ARPC1A: variants seen among roughly 807,000 people sequenced by gnomAD.
The protein encoded by ARPC1A is actin related protein 2/3 complex subunit 1A.
ARPC1A carries 8 observed loss-of-function variants against 46.9 expected under a neutral mutation model. That is an observed-to-expected ratio of 0.17 (90% CI 0.10 to 0.31). The LOEUF (loss-of-function observed/expected upper bound fraction) is 0.31. Among genes scored for constraint, ARPC1A ranks in the 10% least tolerant of loss-of-function variants. The probability of loss-of-function intolerance (pLI) is 1.00; values close to 1 mark genes in which losing one functional copy is unlikely to be tolerated. For synonymous variants in ARPC1A, 152 were observed against 169.0 expected (o/e 0.90, Z 0.78); for missense variants, 286 against 483.6 (o/e 0.59, Z 3.83).
chr7:99,332,936 G>A (rs965897556), intron 1 of ARPC1A, among the ~76,000 whole-genome samples: 2 of 137,378 alleles, frequency 1.5e-5, no homozygotes, highest in Non-Finnish European at 3.0e-5. Flanking sequence ...TCGCTCTGTC[G>A]CCCAGGCTGG....
intron 5 of ARPC1A, among the ~76,000 whole-genome samples, chr7:99,352,577 G>T (rs1793561413): frequency 6.7e-6 from 1 of 148,730 alleles, no homozygotes; most frequent in Non-Finnish European, 1.5e-5. Flanking sequence ...GATCACTTGA[G>T]CCCAGAAGTT....
chr7:99,353,603 G>A (rs1362968149), intron 5 of ARPC1A, among the ~76,000 whole-genome samples: 1 of 151,944 alleles, frequency 6.6e-6, no homozygotes, highest in Non-Finnish European at 1.5e-5. Context: ...TCAGCCTCCT[G>A]AGTAGTTGGG....
At chr7:99,350,464 G>C (rs116575863) in intron 5 of ARPC1A, among the ~76,000 whole-genome samples, 1,637 of 152,176 alleles carry the variant, frequency 0.011, 24 homozygotes, top group African/African-American at 0.037. Flanking sequence ...AAGAAATGCA[G>C]CCACTTTGCT....
chr7:99,360,896 G>A (rs948527178), intron 8 of ARPC1A, among the ~76,000 whole-genome samples: 3 of 143,366 alleles, frequency 2.1e-5, no homozygotes, highest in African/African-American at 8.1e-5. Context: ...AGCCAAGATT[G>A]AGCTACTGCA....
intron 1 of ARPC1A, among the ~76,000 whole-genome samples, chr7:99,330,071 A>G (rs538177319): frequency 9.9e-5 from 15 of 152,176 alleles, no homozygotes; most frequent in Non-Finnish European, 1.8e-4. Context: ...TGTAAAAAAA[A>G]AAAACAAATT....
intron 5 of ARPC1A, among the ~76,000 whole-genome samples, chr7:99,352,270 A>C (rs543534842): frequency 1.4e-4 from 22 of 152,240 alleles, no homozygotes; most frequent in African/African-American, 5.1e-4. Context: ...ATCTCCCCAG[A>C]ATGTGCAGTC....
intron 3 of ARPC1A, among the ~76,000 whole-genome samples, chr7:99,341,006 A>G (rs1433810285): frequency 6.6e-6 from 1 of 152,218 alleles, no homozygotes; most frequent in Non-Finnish European, 1.5e-5. Context: ...AAGAATACTC[A>G]TATTTTAAAT....
intron 6 of ARPC1A, among the ~76,000 whole-genome samples, chr7:99,356,055 C>A (rs1467115768): frequency 6.6e-6 from 1 of 152,098 alleles, no homozygotes; most frequent in Non-Finnish European, 1.5e-5. Context: ...AGATTGGAAT[C>A]CTTCTTCTTT....
At chr7:99,330,629 A>G (rs1362681637) in intron 1 of ARPC1A, among the ~76,000 whole-genome samples, 7 of 152,114 alleles carry the variant, frequency 4.6e-5, no homozygotes, top group African/African-American at 1.4e-4. Context: ...TTCCTTTACA[A>G]TTAGCAGAGG....
intron 9 of ARPC1A, among the ~76,000 whole-genome samples, 167 bp downstream of exon 9, chr7:99,363,800 A>G (rs1584389325): frequency 6.6e-6 from 1 of 152,060 alleles, no homozygotes; most frequent in East Asian, 1.9e-4. Flanking sequence ...TCAGCCTCCC[A>G]AGCTGCTGGG....
rs777010920 is a variant in ARPC1A, at chr7:99,333,318, A to C, written c.-29-7A>C. On this transcript the variant is annotated splice_polypyrimidine_tract_variant and splice_region_variant and intron_variant, in intron 1 of 9. Coordinates refer to ENST00000262942, the MANE Select transcript of ARPC1A (RefSeq NM_006409.4). ...TATAAAATGCTTTTTGTTATTGTTC[A>C]TTGCAGCTTTCTCTCCTTTGAAAAC... The C allele has an allele frequency of 3.2e-5, 51 of 1,577,958 alleles. No individual in the cohort carries two copies. Among genetic ancestry groups the C allele is most frequent in the Non-Finnish European group, 4.0e-5 (46 of 1,148,904 alleles).
intron 8 of ARPC1A, chr7:99,360,106 C>T: frequency 3.5e-6 from 1 of 284,454 alleles, no homozygotes; most frequent in Non-Finnish European, 6.8e-6. Flanking sequence ...TGCGTTCCCA[C>T]AGTAGTGCAC....
intron 7 of ARPC1A, 57 bp downstream of exon 7, chr7:99,358,472 G>T: frequency 6.7e-7 from 1 of 1,484,612 alleles, no homozygotes; most frequent in Non-Finnish European, 9.4e-7. Context: ...CTCAGACAGG[G>T]AACAATGTGT....
chr7:99,361,881 G>A (rs556638670), intron 8 of ARPC1A, among the ~76,000 whole-genome samples: 1 of 152,336 alleles, frequency 6.6e-6, no homozygotes, highest in African/African-American at 2.4e-5. Flanking sequence ...CACAGATGAT[G>A]TAAACAGATG....
intron 8 of ARPC1A, among the ~76,000 whole-genome samples, chr7:99,361,463 A>C (rs1165222342): frequency 1.4e-5 from 1 of 73,194 alleles, no homozygotes; most frequent in African/African-American, 4.3e-4. Context: ...TCCTATCTCA[A>C]AAAAAAAAAA....
At chr7:99,326,130 C>T (rs1257677824) in intron 1 of ARPC1A, 126 bp downstream of exon 1, 1 of 152,160 alleles carries the variant, frequency 6.6e-6, no homozygotes, top group African/African-American at 2.4e-5. Context: ...GAGGCGCGGC[C>T]GGGTCTCCCT....
intron 3 of ARPC1A, among the ~76,000 whole-genome samples, chr7:99,338,954 G>A (rs962097755): frequency 5.3e-5 from 8 of 152,124 alleles, no homozygotes; most frequent in Admixed American, 5.2e-4. Context: ...AGTTTCCTTT[G>A]TGTTTTTAGG....
intron 4 of ARPC1A, among the ~76,000 whole-genome samples, chr7:99,347,660 C>T (rs1159778067): frequency 2.0e-5 from 3 of 151,762 alleles, no homozygotes; most frequent in Admixed American, 6.6e-5. Flanking sequence ...GCTGACATTG[C>T]GCCACTGCAC....
At chr7:99,350,884 G>T (rs896202799) in intron 5 of ARPC1A, among the ~76,000 whole-genome samples, 1 of 151,502 alleles carries the variant, frequency 6.6e-6, no homozygotes, top group African/African-American at 2.4e-5. Flanking sequence ...TGGGCTCAAA[G>T]AATCCTTCTG....
Sources: gnomAD v4.1 joint callset for allele counts (sites outside exome capture counted in the v4.1 genomes callset) on GRCh38, gnomAD v4.1.1 for gene constraint, MANE v1.5 for transcripts, NCBI Gene and HGNC (gene_info 2026-07-23, HGNC 2026-07-21) for gene names.